The following SUPT3H variants were observed in gnomAD, a reference collection of about 807,000 sequenced individuals.
The protein encoded by SUPT3H is transcription initiation protein SPT3 homolog.
Under a neutral mutation model 44.3 loss-of-function variants are expected in SUPT3H, and 44 were observed. That is an observed-to-expected ratio of 0.99 (90% CI 0.78 to 1.28). The LOEUF (loss-of-function observed/expected upper bound fraction) is 1.28, where lower values mean the gene tolerates loss of function less well. Among genes scored for constraint, SUPT3H ranks in the 50% most tolerant of loss-of-function variants. The pLI, the probability that SUPT3H is intolerant of heterozygous loss-of-function variation, is 0.00. For missense variants in SUPT3H, 380 were observed against 387.1 expected (o/e 0.98, Z 0.15); for synonymous variants, 124 against 125.6 (o/e 0.99, Z 0.09).
intron 2 of SUPT3H, among the ~76,000 whole-genome samples, chr6:45,167,582 C>T (rs570793994): frequency 1.3e-5 from 2 of 151,048 alleles, no homozygotes; most frequent in African/African-American, 2.4e-5. Context: ...TCATCTGTAT[C>T]TTTTGATCAA....
intron 6 of SUPT3H, among the ~76,000 whole-genome samples, chr6:44,972,056 G>A (rs1777652213): frequency 6.6e-6 from 1 of 151,722 alleles, no homozygotes; most frequent in Non-Finnish European, 1.5e-5. Flanking sequence ...TTACAGGCAT[G>A]AGCCACTGCG....
At chr6:44,968,590 T>A (rs1427065943) in intron 6 of SUPT3H, among the ~76,000 whole-genome samples, 1 of 152,122 alleles carries the variant, frequency 6.6e-6, no homozygotes, top group East Asian at 1.9e-4. Context: ...AAGCACCCTT[T>A]CTTTTTATTC....
chr6:44,865,899 G>C (rs1049286920), intron 10 of SUPT3H, among the ~76,000 whole-genome samples: 1 of 152,206 alleles, frequency 6.6e-6, no homozygotes, highest in African/African-American at 2.4e-5. Flanking sequence ...GAGGACTCAA[G>C]ATGGGGGAGA....
intron 11 of SUPT3H, among the ~76,000 whole-genome samples, chr6:44,814,695 T>C (rs1283096289): frequency 6.6e-6 from 1 of 151,896 alleles, no homozygotes; most frequent in South Asian, 2.1e-4. Context: ...ATTTTTTTTT[T>C]AGACAGAGTC....
At chr6:45,197,274 T>C (rs982145718) in intron 2 of SUPT3H, among the ~76,000 whole-genome samples, 1 of 151,646 alleles carries the variant, frequency 6.6e-6, no homozygotes, top group Non-Finnish European at 1.5e-5. Context: ...CACTTGATCA[T>C]TTCAGATTTT....
chr6:45,155,929 T>C (rs546377166), intron 2 of SUPT3H, among the ~76,000 whole-genome samples: 1 of 152,274 alleles, frequency 6.6e-6, no homozygotes, highest in Non-Finnish European at 1.5e-5. Flanking sequence ...ATTTATATTT[T>C]TGAACTATAC....
At chr6:44,814,033 G>T (rs936066061) in intron 11 of SUPT3H, among the ~76,000 whole-genome samples, 4 of 152,110 alleles carry the variant, frequency 2.6e-5, no homozygotes, top group South Asian at 2.1e-4. Context: ...ATGTAGGCAT[G>T]TCATACTACA....
chr6:44,901,514 G>T (rs1765047474), intron 10 of SUPT3H, among the ~76,000 whole-genome samples: 1 of 152,006 alleles, frequency 6.6e-6, no homozygotes, highest in Admixed American at 6.6e-5. Context: ...CAAGAAATAT[G>T]GGACTATGTG....
chr6:45,102,670 G>A (rs987158011), intron 3 of SUPT3H, among the ~76,000 whole-genome samples: 1 of 152,142 alleles, frequency 6.6e-6, no homozygotes, highest in Non-Finnish European at 1.5e-5. Context: ...GACCGGGTGT[G>A]GTGGCTTATG....
chr6:45,195,188 A>G (rs1472989076), intron 2 of SUPT3H, among the ~76,000 whole-genome samples: 2 of 152,194 alleles, frequency 1.3e-5, no homozygotes, highest in African/African-American at 4.8e-5. Flanking sequence ...AAGTGATGCT[A>G]TGATATATTA....
chr6:45,094,058 C>T (rs985457716), intron 3 of SUPT3H, among the ~76,000 whole-genome samples: 2 of 152,092 alleles, frequency 1.3e-5, no homozygotes, highest in East Asian at 3.9e-4. Context: ...CAAATCTCTG[C>T]CTATCTCTAT....
At chr6:45,028,272 G>A (rs1786341831) in intron 3 of SUPT3H, among the ~76,000 whole-genome samples, 1 of 152,136 alleles carries the variant, frequency 6.6e-6, no homozygotes, top group African/African-American at 2.4e-5. Flanking sequence ...GGTAGCTAAT[G>A]GCCTACATGG....
chr6:45,051,661 T>A (rs1157426941), intron 3 of SUPT3H, among the ~76,000 whole-genome samples: 1 of 152,132 alleles, frequency 6.6e-6, no homozygotes, highest in African/African-American at 2.4e-5. Context: ...TTCAGCTGCA[T>A]TGGTACAGTT....
rs575849061 is a variant in SUPT3H, at chr6:45,068,612, A to G, written c.186+37310T>C. ...TTATTCCACTTTATTTTTGGCAATC[A>G]TAAGATACTGACTAGTTTAGAATCA... On this transcript the variant is annotated intron_variant, in intron 3 of 10. Transcript: ENST00000371459. 9.8e-4 allele frequency among the ~76,000 whole-genome samples: 149 copies of G among 152,330 alleles called. No individual in the cohort carries two copies. The Middle Eastern group carries it at 0.031, about 31-fold the overall frequency.
intron 3 of SUPT3H, among the ~76,000 whole-genome samples, chr6:45,064,144 G>C (rs1232407669): frequency 1.0e-4 from 11 of 105,492 alleles, no homozygotes; most frequent in Admixed American, 3.0e-4. Flanking sequence ...AAGAGAATGG[G>C]GGCCAATATT....
chr6:44,944,791 GA>G (rs199693522), intron 9 of SUPT3H, among the ~76,000 whole-genome samples: 20,760 of 95,690 alleles, frequency 0.22, 1,723 homozygotes, highest in Non-Finnish European at 0.3. Flanking sequence ...AAAAAGAAAA[GA>G]AAAAAAGATA....
intron 9 of SUPT3H, among the ~76,000 whole-genome samples, chr6:44,939,209 G>A (rs1675165956): frequency 6.6e-6 from 1 of 152,020 alleles, no homozygotes; most frequent in Admixed American, 6.6e-5. Flanking sequence ...TGGGTTTGTA[G>A]TATATGGCCT....
At chr6:44,973,854 C>A (rs1487880031) in intron 6 of SUPT3H, among the ~76,000 whole-genome samples, 2 of 152,148 alleles carry the variant, frequency 1.3e-5, no homozygotes, top group Admixed American at 6.6e-5. Context: ...ACCATCAGAT[C>A]TCCTGAGAAC....
chr6:44,980,145 T>C (rs913945840), intron 6 of SUPT3H, among the ~76,000 whole-genome samples: 1 of 151,962 alleles, frequency 6.6e-6, no homozygotes, highest in Non-Finnish European at 1.5e-5. Flanking sequence ...GTATCTGCTC[T>C]GACATTTTGT....
Sources: gnomAD v4.1 joint callset for allele counts (sites outside exome capture counted in the v4.1 genomes callset) on GRCh38, gnomAD v4.1.1 for gene constraint, MANE v1.5 for transcripts, NCBI Gene and HGNC (gene_info 2026-07-23, HGNC 2026-07-21) for gene names.